Variants in DHX30 observed in about 807,000 individuals in gnomAD.
DHX30 encodes DExH-box helicase 30.
A neutral mutation model predicts 116.9 loss-of-function variants in DHX30; 4 were observed. That is an observed-to-expected ratio of 0.03 (90% CI 0.02 to 0.08). The LOEUF (loss-of-function observed/expected upper bound fraction) is 0.08, where lower values mean the gene tolerates loss of function less well. Ranked by LOEUF, DHX30 falls within the 10% of genes least tolerant of loss-of-function variation. DHX30 has a pLI of 1.00. For synonymous variants in DHX30, 697 were observed against 651.7 expected (o/e 1.07, Z -1.06); for missense variants, 871 against 1,595.1 (o/e 0.55, Z 7.73).
intron 4 of DHX30, among the ~76,000 whole-genome samples, chr3:47,820,034 C>T (rs534337755): frequency 1.3e-5 from 2 of 152,308 alleles, no homozygotes; most frequent in Admixed American, 6.5e-5. Flanking sequence ...TGTGGCTGGC[C>T]GGGCATGGTG....
chr3:47,818,169 A>T lies in DHX30; in HGVS notation c.124+52A>T, dbSNP rs781720340. The stretch of plus-strand genomic sequence containing the variant: ...ACAGCTTGGTCCAGGGTCTGTGGGG[A>T]GGTGGGTGGCAATGGGAGCCCTGGT... On this transcript the variant is annotated intron_variant, in intron 4 of 21. Transcript: ENST00000445061. The T allele has an allele frequency of 5.5e-5, 41 of 750,900 alleles. 1 individual carries two copies. Among genetic ancestry groups the T allele is most frequent in the Non-Finnish European group, 9.7e-5 (39 of 400,690 alleles). 46.5% of individuals were successfully genotyped at this position (750,900 alleles called of 1,614,324 possible).
At chr3:47,831,758 G>A (rs901636245) in intron 6 of DHX30, among the ~76,000 whole-genome samples, 1 of 148,200 alleles carries the variant, frequency 6.7e-6, no homozygotes, top group Non-Finnish European at 1.5e-5. Flanking sequence ...CCATCCTCCC[G>A]CCTCAGCCTC....
At chr3:47,826,349 C>T (rs548697384) in intron 4 of DHX30, among the ~76,000 whole-genome samples, 2 of 152,252 alleles carry the variant, frequency 1.3e-5, no homozygotes, top group South Asian at 4.1e-4. Context: ...AAGCGAGGTA[C>T]CTCTCATGGT....
chr3:47,808,206 GC>G (rs954432734), intron 2 of DHX30, among the ~76,000 whole-genome samples: 1 of 150,742 alleles, frequency 6.6e-6, no homozygotes, highest in African/African-American at 2.4e-5. Context: ...CACTGCACCC[GC>G]CTTACTTTTT....
chr3:47,835,469 A>G (rs1263456062), intron 6 of DHX30, among the ~76,000 whole-genome samples: 1 of 148,688 alleles, frequency 6.7e-6, no homozygotes, highest in Non-Finnish European at 1.5e-5. Flanking sequence ...TGCCCGGCCA[A>G]TTTTTTTGTA....
rs745598810 is a variant in DHX30 at position 47,846,578 on chromosome 3, G to A, written c.1506G>A (p.Arg502=). Residue 502 remains arginine (R), a synonymous_variant, in exon 11 of 22, where the codon CGG becomes CGA. Transcript: ENST00000445061. ...RRISAVSVAQ[R]VSHELGPSLR... Reference sequence around the variant, plus strand: ...TCTCTGCTGTGTCTGTGGCACAGCGGGTCAGCCACGAACTGGGCCCCTCCC... The same window carrying A: ...TCTCTGCTGTGTCTGTGGCACAGCGAGTCAGCCACGAACTGGGCCCCTCCC... The A allele has an allele frequency of 4.3e-6, 7 of 1,614,006 alleles. No homozygotes were observed. Among genetic ancestry groups the A allele is most frequent in the Non-Finnish European group, 5.1e-6 (6 of 1,180,042 alleles).
chr3:47,814,819 C>T (rs560454917), intron 3 of DHX30, among the ~76,000 whole-genome samples: 4 of 151,684 alleles, frequency 2.6e-5, no homozygotes, highest in East Asian at 1.9e-4. Context: ...CACGCCCGGC[C>T]GTTTTTTGTT....
chr3:47,831,740 G>T (rs1446710562), intron 6 of DHX30, among the ~76,000 whole-genome samples: 2 of 150,466 alleles, frequency 1.3e-5, no homozygotes, highest in African/African-American at 4.9e-5. Context: ...TGAACTCCTG[G>T]GTTCAAGCCA....
intron 6 of DHX30, among the ~76,000 whole-genome samples, 175 bp downstream of exon 6, chr3:47,829,309 TATATA>T (rs1428983866): frequency 7.0e-4 from 23 of 33,034 alleles, no homozygotes; most frequent in East Asian, 2.4e-3. Context: ...TATATATATA[TATATA>T]TTTTTTTTTT....
At chr3:47,824,828 A>T (rs2036470073) in intron 4 of DHX30, 1 of 417,708 alleles carries the variant, frequency 2.4e-6, no homozygotes, top group East Asian at 3.8e-5. Flanking sequence ...CTGGAGAGTG[A>T]GCTCTGCAGG....
At position 47,847,835 on chromosome 3, in the gene DHX30, T is replaced by C. The variant is rs781619233; in HGVS notation, c.2165T>C (p.Val722Ala). Reference sequence around the variant, plus strand: ...AAGGCCATATTCCAGCAGCCTCCAGTTGGGGTGCGCAAGATTGTCTTGGCC... The same window carrying C: ...AAGGCCATATTCCAGCAGCCTCCAGCTGGGGTGCGCAAGATTGTCTTGGCC... Reference protein sequence around the residue: ...DQKAIFQQPPVGVRKIVLATN... With the variant: ...DQKAIFQQPPAGVRKIVLATN... The change falls in exon 14 of 22, where the codon GTT (valine) becomes GCT (alanine). Residue 722 changes from valine (V) to alanine (A), a missense_variant. Around this residue, in one of 13 missense-constraint regions of DHX30, gnomAD observed 49 missense variants for 60.9 expected, o/e 0.80. Transcript: ENST00000445061. The surrounding 1 kb of genome is among the most constrained non-coding windows in gnomAD (Gnocchi z 5.5). The C allele has an allele frequency of 3.7e-6, 6 of 1,614,168 alleles. No homozygotes were observed. Among genetic ancestry groups the C allele is most frequent in the Non-Finnish European group, 5.1e-6 (6 of 1,180,038 alleles).
At chr3:47,829,861 A>T (rs2036757844) in intron 6 of DHX30, among the ~76,000 whole-genome samples, 1 of 150,992 alleles carries the variant, frequency 6.6e-6, no homozygotes, top group Non-Finnish European at 1.5e-5. Flanking sequence ...TTTTTGTTTG[A>T]GACGGAGTCT....
intron 9 of DHX30, among the ~76,000 whole-genome samples, chr3:47,843,608 G>A (rs1418020852): frequency 3.9e-5 from 6 of 152,280 alleles, no homozygotes; most frequent in South Asian, 2.1e-4. Flanking sequence ...CTGATAACCC[G>A]GGTTTTGTGG....
At chr3:47,818,371 C>G (rs2036151064) in intron 4 of DHX30, among the ~76,000 whole-genome samples, 1 of 152,174 alleles carries the variant, frequency 6.6e-6, no homozygotes, top group Non-Finnish European at 1.5e-5. Context: ...AAAGCCTAGG[C>G]TCAGTTTGGG....
intron 3 of DHX30, chr3:47,816,961 AT>A: frequency 1.0e-6 from 1 of 984,644 alleles, no homozygotes; most frequent in South Asian, 4.7e-5. Context: ...CCTGCTGAAG[AT>A]TATAATTCTA....
intron 6 of DHX30, among the ~76,000 whole-genome samples, 181 bp downstream of exon 6, chr3:47,829,315 T>TATATA (rs869292091): frequency 0.074 from 2,370 of 32,070 alleles, 35 homozygotes; most frequent in Non-Finnish European, 0.093. Flanking sequence ...TATATATATA[T>TATATA]TTTTTTTTTT....
intron 2 of DHX30, among the ~76,000 whole-genome samples, chr3:47,807,975 A>G (rs762783303): frequency 6.6e-6 from 1 of 151,868 alleles, no homozygotes; most frequent in Non-Finnish European, 1.5e-5. Flanking sequence ...CAGTGGCGCA[A>G]TCTCATCTCA....
chr3:47,818,549 C>G (rs2036157338), intron 4 of DHX30, among the ~76,000 whole-genome samples: 1 of 152,192 alleles, frequency 6.6e-6, no homozygotes, highest in African/African-American at 2.4e-5. Context: ...GGAATACACA[C>G]AGATCACTTT....
In DHX30 at chr3:47,845,799, A is replaced by G. The variant is rs1413864466; in HGVS notation, c.1039A>G (p.Thr347Ala). Reference sequence around the variant, plus strand: ...GGGTGAGACCCAGCGCCGACCATGCACCATCCAGGTGCCCGAGCCCATCCT... The same window carrying G: ...GGGTGAGACCCAGCGCCGACCATGCGCCATCCAGGTGCCCGAGCCCATCCT... ...ELGETQRRPC[T>A]IQVPEPILRK... The change falls in exon 10 of 22, where the codon ACC becomes GCC. Residue 347 changes from threonine (T) to alanine (A), a missense_variant. This residue lies in a region of DHX30 where 175 missense variants were observed against 292.9 expected (regional missense o/e 0.60). Coordinates refer to ENST00000445061, the MANE Select transcript of DHX30 (RefSeq NM_138615.3). The G allele has an allele frequency of 6.2e-7, 1 of 1,611,402 alleles. No individual in the cohort carries two copies. Among genetic ancestry groups the G allele is most frequent in the East Asian group, 2.2e-5 (1 of 44,730 alleles).
Sources: allele counts gnomAD v4.1 joint callset (sites outside exome capture counted in the v4.1 genomes callset), GRCh38; gene constraint gnomAD v4.1.1; regional missense constraint gnomAD v4.1.1; non-coding constraint Gnocchi (gnomAD v3.1); transcripts MANE v1.5; gene names NCBI Gene and HGNC (gene_info 2026-07-23, HGNC 2026-07-21).